The following INO80 variants were observed in gnomAD, a reference collection of about 807,000 sequenced individuals.
INO80 encodes INO80 complex ATPase subunit, also known as chromatin-remodeling ATPase INO80.
In INO80, 20 loss-of-function variants were observed where a neutral mutation model predicts 203.4. The observed-to-expected ratio is 0.10, with a 90% CI of 0.07 to 0.14. The LOEUF (loss-of-function observed/expected upper bound fraction) is 0.14. Ranked by LOEUF, INO80 falls within the 10% of genes least tolerant of loss-of-function variation. The probability of loss-of-function intolerance (pLI) is 1.00; values close to 1 mark genes in which losing one functional copy is unlikely to be tolerated. For synonymous variants in INO80, 726 were observed against 685.2 expected, an observed-to-expected ratio of 1.06 and a Z score of -0.93; for missense variants, 1,419 against 1,914.4, an observed-to-expected ratio of 0.74 and a Z score of 4.83.
intron 4 of INO80, among the ~76,000 whole-genome samples, chr15:41,092,439 C>T (rs1449269946): frequency 6.6e-6 from 1 of 151,990 alleles, no homozygotes; most frequent in Non-Finnish European, 1.5e-5. Context: ...TGAATACTTA[C>T]AAAAGTATAA....
chr15:41,104,206 C>CAAAAAA (rs35510472), intron 1 of INO80, among the ~76,000 whole-genome samples: 11 of 41,326 alleles, frequency 2.7e-4, no homozygotes, highest in East Asian at 9.5e-4. Context: ...AACTCCATCT[C>CAAAAAA]AAAAAAAAAA....
chr15:40,984,014 G>A (rs1893932060), intron 33 of INO80, 93 bp from the exon 34 acceptor site: 2 of 1,481,526 alleles, frequency 1.3e-6, no homozygotes, highest in Non-Finnish European at 1.9e-6. Context: ...AGTTGAGGCT[G>A]CTTTGGCTTC....
At position 41,079,917 on chromosome 15, in the gene INO80, A is replaced by G. The variant is rs749429885; in HGVS notation, c.928-13T>C. ...ACTGGTGAGCAAGCTGAAAACAACA[A>G]CAGCATTACAGCGGAAAGGACCCCA... On this transcript the variant is annotated splice_polypyrimidine_tract_variant and intron_variant, in intron 8 of 35. Transcript: ENST00000648947. 4.3e-6 allele frequency: 7 copies of G among 1,611,902 alleles called. No individual in the cohort carries two copies. The highest frequency in any genetic ancestry group is 4.0e-5 in the African/African-American group (3 of 74,754).
At chr15:41,105,838 ACTTC>A (rs1037569682) in intron 1 of INO80, among the ~76,000 whole-genome samples, 1 of 152,116 alleles carries the variant, frequency 6.6e-6, no homozygotes, top group Non-Finnish European at 1.5e-5. Flanking sequence ...TTTTTAGAGC[ACTTC>A]CTTATTTTTT....
intron 14 of INO80, among the ~76,000 whole-genome samples, chr15:41,060,870 T>A (rs896673178): frequency 1.3e-5 from 2 of 152,214 alleles, no homozygotes; most frequent in Non-Finnish European, 2.9e-5. Context: ...AGCCCACACT[T>A]ATCTCTATAG....
At chr15:41,053,662 C>T (rs995782860) in intron 19 of INO80, among the ~76,000 whole-genome samples, 4 of 152,076 alleles carry the variant, frequency 2.6e-5, no homozygotes, top group Admixed American at 6.6e-5. Flanking sequence ...ATTATTGTCA[C>T]GGAACAATGG....
intron 28 of INO80, chr15:41,005,196 C>T (rs1211113197): frequency 1.1e-4 from 4 of 35,724 alleles, no homozygotes; most frequent in African/African-American, 2.6e-4. Context: ...CTGTCTCACA[C>T]ACACAAAAAA....
At chr15:41,087,334 T>C (rs568095586) in intron 6 of INO80, among the ~76,000 whole-genome samples, 15 of 152,300 alleles carry the variant, frequency 9.8e-5, no homozygotes, top group East Asian at 1.9e-4. Context: ...TTTTACATAA[T>C]GAATTTGAGC....
At chr15:40,987,265 C>T in intron 30 of INO80, 72 bp from the exon 31 acceptor site, 1 of 924,732 alleles carries the variant, frequency 1.1e-6, no homozygotes, top group South Asian at 1.4e-5. Context: ...GAAAAAGATA[C>T]ACATCGTTCT....
At chr15:41,075,482 T>C (rs1227168424) in intron 9 of INO80, among the ~76,000 whole-genome samples, 1 of 151,360 alleles carries the variant, frequency 6.6e-6, no homozygotes, top group Non-Finnish European at 1.5e-5. Context: ...GGGGGCAGAG[T>C]CTCCCTCTGT....
intron 34 of INO80, 85 bp from the exon 35 acceptor site, chr15:40,983,162 A>T: frequency 8.8e-7 from 1 of 1,133,544 alleles, no homozygotes; most frequent in Admixed American, 2.2e-5. Context: ...CCTGACAGGG[A>T]AAGCGAGCTC....
intron 28 of INO80, 84 bp from the exon 29 acceptor site, chr15:40,997,685 G>T (rs2043897728): frequency 3.5e-6 from 3 of 869,400 alleles, no homozygotes; most frequent in East Asian, 2.5e-5. Context: ...TCTGAATACA[G>T]AACATAAAGT....
intron 14 of INO80, among the ~76,000 whole-genome samples, chr15:41,061,399 G>A (rs552199716): frequency 4.3e-5 from 6 of 141,142 alleles, no homozygotes; most frequent in Non-Finnish European, 9.0e-5. Context: ...GAGCTCAGGA[G>A]ATAGAGACCA....
intron 26 of INO80, among the ~76,000 whole-genome samples, chr15:41,016,636 A>G (rs548117367): frequency 6.6e-6 from 1 of 152,334 alleles, no homozygotes; most frequent in South Asian, 2.1e-4. Flanking sequence ...GAAAGCATTG[A>G]GAACGTATCC....
chr15:41,017,075 T>C (rs189665577), intron 26 of INO80: 2 of 152,258 alleles, frequency 1.3e-5, no homozygotes, highest in Non-Finnish European at 2.9e-5. Flanking sequence ...AGTTGTATGT[T>C]AATTCAATAA....
At chr15:40,983,103 G>C in intron 34 of INO80, 26 bp from the exon 35 acceptor site, 1 of 1,513,348 alleles carries the variant, frequency 6.6e-7, no homozygotes, top group Non-Finnish European at 9.0e-7. Flanking sequence ...GGCCAAAAGG[G>C]AAAGAAAAAA....
rs549852926 is a variant in INO80, at chr15:41,083,209, C to T, written c.874-2136G>A. Reference sequence around the variant, plus strand: ...CTGAAGGAGGAGAATGGCGTGAACCCGGGAGGCGGAGCTTGCAGTGAGCCG... The same window carrying T: ...CTGAAGGAGGAGAATGGCGTGAACCTGGGAGGCGGAGCTTGCAGTGAGCCG... On this transcript the variant is annotated intron_variant, in intron 7 of 35. Transcript: ENST00000648947. 1.1e-4 allele frequency among the ~76,000 whole-genome samples: 16 copies of T among 148,456 alleles called. No individual in the cohort carries two copies. In the Admixed American group the frequency reaches 1.1e-3, roughly 10 times the overall value.
Position 41,055,063 on chromosome 15 carries a change from CTTTT to C in INO80, c.2188+180_2188+183del, listed in dbSNP as rs1388536058. ...ACAGTAGTAATCATCTAAATTAGTT[CTTTT>C]TTGACTGTTAAATATGTACAAAAAA... On this transcript the variant is annotated intron_variant, in intron 18 of 35. Coordinates refer to ENST00000648947, the MANE Select transcript of INO80 (RefSeq NM_017553.3). 4.6e-5 allele frequency among the ~76,000 whole-genome samples: 7 copies of C among 152,270 alleles called. No individual in the cohort carries two copies. In the East Asian group the frequency reaches 1.3e-3, roughly 29 times the overall value.
At chr15:41,109,822 C>T (rs899617943) in intron 1 of INO80, among the ~76,000 whole-genome samples, 2 of 151,808 alleles carry the variant, frequency 1.3e-5, no homozygotes, top group African/African-American at 4.8e-5. Flanking sequence ...GTCCTAGCTA[C>T]TCAGGAGGCT....
Sources: gnomAD v4.1 joint callset for allele counts (sites outside exome capture counted in the v4.1 genomes callset) on GRCh38, gnomAD v4.1.1 for gene constraint, MANE v1.5 for transcripts, NCBI Gene and HGNC (gene_info 2026-07-23, HGNC 2026-07-21) for gene names.